EIF4G3: variants seen among roughly 807,000 people sequenced by gnomAD.
The protein encoded by EIF4G3 is eukaryotic translation initiation factor 4 gamma 3.
Under a neutral mutation model 186.4 loss-of-function variants are expected in EIF4G3, and 34 were observed. That is an observed-to-expected ratio of 0.18 (90% CI 0.14 to 0.24). The LOEUF is 0.24. EIF4G3 is among the 10% of genes least tolerant of loss of function. EIF4G3 has a pLI of 1.00. For missense variants in EIF4G3, 1,536 were observed against 1,948.5 expected, an observed-to-expected ratio of 0.79 and a Z score of 3.99; for synonymous variants, 673 against 679.5, an observed-to-expected ratio of 0.99 and a Z score of 0.15.
At chr1:21,001,048 G>A (rs2083405701) in intron 6 of EIF4G3, among the ~76,000 whole-genome samples, 151 bp downstream of exon 6, 1 of 152,164 alleles carries the variant, frequency 6.6e-6, no homozygotes, top group East Asian at 1.9e-4. Context: ...TCCCCACTAT[G>A]CCTGGCAGAA....
chr1:21,057,221 T>C (rs997460914), intron 3 of EIF4G3, among the ~76,000 whole-genome samples: 2 of 152,214 alleles, frequency 1.3e-5, no homozygotes, highest in African/African-American at 2.4e-5. Context: ...AAAATGTTCA[T>C]AGTTGTATTG....
At chr1:20,915,219 G>A (rs1252746680) in intron 14 of EIF4G3, among the ~76,000 whole-genome samples, 1 of 152,114 alleles carries the variant, frequency 6.6e-6, no homozygotes, top group Non-Finnish European at 1.5e-5. Flanking sequence ...GACTCCTCTG[G>A]AGGCTCTGTG....
chr1:20,899,092 T>C (rs2089463707), intron 16 of EIF4G3, among the ~76,000 whole-genome samples: 1 of 152,190 alleles, frequency 6.6e-6, no homozygotes, highest in African/African-American at 2.4e-5. Flanking sequence ...TCCATATATC[T>C]CAAAGTCAGT....
chr1:20,814,756 TCCCCCTCCCCCTCCCCCTCCCC>T (rs2060038091), intron 34 of EIF4G3, among the ~76,000 whole-genome samples: 3 of 23,682 alleles, frequency 1.3e-4, no homozygotes, highest in Admixed American at 3.8e-4. Flanking sequence ...CATCTCCCCC[TCCCCCTCCCCCTCCCCCTCCCC>T]CTCCCCCTCT....
At chr1:21,176,598 C>A in intron 1 of EIF4G3, 124 bp downstream of exon 1, 1 of 179,522 alleles carries the variant, frequency 5.6e-6, no homozygotes, top group Non-Finnish European at 1.1e-5. Context: ...CCGCCTCCGC[C>A]GCCGCCGCCG....
chr1:20,813,758 A>T (rs985620384), intron 34 of EIF4G3, among the ~76,000 whole-genome samples: 7 of 151,594 alleles, frequency 4.6e-5, no homozygotes, highest in African/African-American at 1.7e-4. Flanking sequence ...AGGCAGGAGA[A>T]TCGTTTGAAC....
At chr1:21,094,798 A>AATAATC (rs2096314850) in intron 2 of EIF4G3, among the ~76,000 whole-genome samples, 1 of 145,692 alleles carries the variant, frequency 6.9e-6, no homozygotes. Flanking sequence ...TAATAATAAT[A>AATAATC]ATAATAAAAG....
intron 26 of EIF4G3, among the ~76,000 whole-genome samples, chr1:20,854,315 T>C (rs1177331352): frequency 6.6e-6 from 1 of 152,140 alleles, no homozygotes; most frequent in Non-Finnish European, 1.5e-5. Flanking sequence ...TTTATCAGCA[T>C]AATGAGTTTC....
Position 20,886,301 on chromosome 1 carries a change from G to A in EIF4G3, c.2324C>T (p.Ser775Phe). The stretch of plus-strand genomic sequence containing the variant: ...TTTCAGGTGTACATCTTCTTTTACA[G>A]AAACTGTGATGATCTTTCTGGGTTC... ...RREPRKIITV[S>F]VKEDVHLKKA... Residue 775 changes from serine to phenylalanine, a missense_variant, in exon 19 of 37, where the codon TCT becomes TTT. Transcript: ENST00000602326. 6.2e-7 allele frequency: 1 copy of A among 1,614,066 alleles called. No individual in the cohort carries two copies. Among genetic ancestry groups the A allele is most frequent in the Middle Eastern group, 1.6e-4 (1 of 6,062 alleles).
At position 20,934,143 on chromosome 1, in the gene EIF4G3, G is replaced by A. The variant is rs1470413634; in HGVS notation, c.1663+7348C>T. ...ACCTAACTTAAAAGAGAGAGAGAAA[G>A]AGACCAATAGTGGTAAAATGAGGCA... On this transcript the variant is annotated intron_variant, in intron 14 of 36. Coordinates refer to ENST00000602326, the MANE Select transcript of EIF4G3 (RefSeq NM_001391906.1). Among the ~76,000 whole-genome samples the A allele has an allele frequency of 2.0e-5, 3 of 152,172 alleles. No individual in the cohort carries two copies. In the East Asian group the frequency reaches 5.8e-4, roughly 29 times the overall value.
At chr1:20,873,399 T>C (rs2079780570) in intron 20 of EIF4G3, among the ~76,000 whole-genome samples, 1 of 152,248 alleles carries the variant, frequency 6.6e-6, no homozygotes, top group Non-Finnish European at 1.5e-5. Flanking sequence ...ATGCTAGTTA[T>C]GGCAGAAAAA....
At chr1:21,143,150 G>A (rs1189694622) in intron 2 of EIF4G3, among the ~76,000 whole-genome samples, 2 of 152,106 alleles carry the variant, frequency 1.3e-5, no homozygotes, top group African/African-American at 4.8e-5. Flanking sequence ...TAGGGAGGTT[G>A]AGGCTGGAGA....
intron 4 of EIF4G3, among the ~76,000 whole-genome samples, chr1:21,004,507 C>T (rs1271733657): frequency 6.6e-6 from 1 of 151,952 alleles, no homozygotes; most frequent in Non-Finnish European, 1.5e-5. Flanking sequence ...ATCTTTCCCA[C>T]GAATGTAAAA....
intron 6 of EIF4G3, among the ~76,000 whole-genome samples, chr1:21,000,267 A>C (rs2083208049): frequency 6.6e-6 from 1 of 152,158 alleles, no homozygotes; most frequent in African/African-American, 2.4e-5. Context: ...CTAAGCATCA[A>C]GTAGAAAGAC....
intron 14 of EIF4G3, among the ~76,000 whole-genome samples, chr1:20,913,639 T>A (rs1558208141): frequency 6.6e-6 from 1 of 152,174 alleles, no homozygotes. Flanking sequence ...ATTTTATTTA[T>A]ATCCTCAATA....
chr1:20,895,301 A>C (rs2087585921), intron 17 of EIF4G3, 67 bp downstream of exon 17: 1 of 1,533,224 alleles, frequency 6.5e-7, no homozygotes, highest in African/African-American at 1.4e-5. Flanking sequence ...TACTTCACAT[A>C]TTTGCTCTTA....
intron 12 of EIF4G3, among the ~76,000 whole-genome samples, chr1:20,956,452 A>G (rs12137408): frequency 0.43 from 65,383 of 151,746 alleles, 14,457 homozygotes; most frequent in Non-Finnish European, 0.47. Flanking sequence ...CTGTTGTCTA[A>G]GGAGAGCAAA....
Position 21,124,775 on chromosome 1 carries a change from T to C in EIF4G3, c.-271-35562A>G, listed in dbSNP as rs553093854. Among the ~76,000 whole-genome samples, 4 of 152,318 alleles carry C rather than the reference T, an allele frequency of 2.6e-5. No individual in the cohort carries two copies. In the East Asian group the frequency reaches 5.8e-4, roughly 22 times the overall value. ...AAATAATACAATTTTTTCAAGAAGA[T>C]TGAGAATAACCATTTTAAACCAGTC... On this transcript the variant is annotated intron_variant, in intron 2 of 36. Coordinates refer to ENST00000602326, the MANE Select transcript of EIF4G3 (RefSeq NM_001391906.1).
At chr1:21,023,262 C>T (rs1220272210) in intron 4 of EIF4G3, among the ~76,000 whole-genome samples, 2 of 112,238 alleles carry the variant, frequency 1.8e-5, no homozygotes, top group African/African-American at 3.2e-5. Context: ...CCCCCTCCCC[C>T]TCCCTCTCCC....
Sources: allele counts gnomAD v4.1 joint callset (sites outside exome capture counted in the v4.1 genomes callset), GRCh38; gene constraint gnomAD v4.1.1; transcripts MANE v1.5; gene names NCBI Gene and HGNC (gene_info 2026-07-23, HGNC 2026-07-21).